The following PIK3C2G variants were observed in gnomAD, a reference collection of about 807,000 sequenced individuals.
PIK3C2G encodes phosphatidylinositol-4-phosphate 3-kinase catalytic subunit type 2 gamma.
In PIK3C2G, 168 loss-of-function variants were observed where a neutral mutation model predicts 181.1. The ratio of observed to expected loss-of-function variants is 0.93; its 90% confidence interval spans 0.82 to 1.05. PIK3C2G has a LOEUF of 1.05. Among genes scored for constraint, PIK3C2G ranks in the 50% least tolerant of loss-of-function variants. PIK3C2G has a pLI of 0.00. For missense variants in PIK3C2G, 1,869 were observed against 1,732.8 expected, an observed-to-expected ratio of 1.08 and a Z score of -1.40; for synonymous variants, 573 against 592.2, an observed-to-expected ratio of 0.97 and a Z score of 0.47.
chr12:18,486,739 C>T (rs1175749676), intron 18 of PIK3C2G, among the ~76,000 whole-genome samples: 3 of 151,858 alleles, frequency 2.0e-5, no homozygotes, highest in Non-Finnish European at 4.4e-5. Flanking sequence ...AGAAATACTC[C>T]ATCGATCCAC....
intron 1 of PIK3C2G, among the ~76,000 whole-genome samples, chr12:18,254,769 T>C (rs988233009): frequency 2.6e-5 from 4 of 151,960 alleles, no homozygotes; most frequent in African/African-American, 9.7e-5. Context: ...AGAGAATTGC[T>C]TGAACCCGGG....
chr12:18,703,220 C>T, the PIK3C2G span, among the ~76,000 whole-genome samples: 1 of 152,102 alleles, frequency 6.6e-6, no homozygotes, highest in Non-Finnish European at 1.5e-5. Flanking sequence ...AGTCTGTGGG[C>T]ATTCTTATGC....
chr12:18,708,741 A>G, the PIK3C2G span, among the ~76,000 whole-genome samples: 1 of 152,032 alleles, frequency 6.6e-6, no homozygotes, highest in Non-Finnish European at 1.5e-5. Flanking sequence ...AGTGGTTTTG[A>G]TTTGCATTTC....
At chr12:18,440,281 T>G (rs1357693606) in intron 18 of PIK3C2G, among the ~76,000 whole-genome samples, 2 of 152,058 alleles carry the variant, frequency 1.3e-5, no homozygotes, top group African/African-American at 4.8e-5. Flanking sequence ...AAATATTTAT[T>G]GAGCACCTTC....
At chr12:18,362,963 G>A in intron 12 of PIK3C2G, 77 bp downstream of exon 12, 3 of 1,180,196 alleles carry the variant, frequency 2.5e-6, no homozygotes, top group Non-Finnish European at 2.3e-6. Context: ...TAAAAGCAAG[G>A]GATGTAATTT....
chr12:18,704,106 A>G, the PIK3C2G span, among the ~76,000 whole-genome samples: 2 of 152,188 alleles, frequency 1.3e-5, no homozygotes, highest in South Asian at 2.1e-4. Context: ...GTTACAACAG[A>G]AAGTAATTCA....
At position 18,552,353 on chromosome 12, in the gene PIK3C2G, G is replaced by A. The variant is rs554529193; in HGVS notation, c.3590+5921G>A. Among the ~76,000 whole-genome samples, 125 of 152,194 alleles carry A rather than the reference G, an allele frequency of 8.2e-4. No homozygotes were observed. The Middle Eastern group carries it at 0.01, about 12-fold the overall frequency. On this transcript the variant is annotated intron_variant, in intron 26 of 32. Transcript: ENST00000538779. ...TTTTTCTCTTCAAAACTGAGAAATA[G>A]CATGAGATGGAAATGCAAATCCTTG...
rs74070277 is a variant in PIK3C2G, at chr12:18,480,569, G to A, written c.2505-7880G>A. On this transcript the variant is annotated intron_variant, in intron 18 of 32. Coordinates refer to ENST00000538779, the MANE Select transcript of PIK3C2G (RefSeq NM_001288772.2). ...GGGCTCAGACATTGGACCAAATTGA[G>A]GACTAGTTAAAACAAGAATGGGGCA... Among the ~76,000 whole-genome samples the A allele has an allele frequency of 6.0e-3, 908 of 152,130 alleles. 7 individuals carry two copies. The highest frequency in any genetic ancestry group is 0.021 in the African/African-American group (875 of 41,504).
chr12:18,261,744 T>A (rs987535092), intron 1 of PIK3C2G, among the ~76,000 whole-genome samples, 167 bp downstream of exon 1: 1 of 152,168 alleles, frequency 6.6e-6, no homozygotes, highest in Non-Finnish European at 1.5e-5. Flanking sequence ...AACAGAGATA[T>A]CCAGCTTGTA....
rs547663192 is a variant in PIK3C2G at position 18,460,598 on chromosome 12, TAAATAA to T, written c.2505-27847_2505-27842del. ...CAAAAAATAAATAAATAAATAAATA[TAAATAA>T]AAAGATTGACATCATATTCATATAT... is the stretch of plus-strand genomic sequence containing the variant. On this transcript the variant is annotated intron_variant, in intron 18 of 32. Coordinates refer to ENST00000538779, the MANE Select transcript of PIK3C2G (RefSeq NM_001288772.2). Among the ~76,000 whole-genome samples the T allele has an allele frequency of 3.1e-3, 448 of 144,610 alleles. 1 individual carries two copies. Among genetic ancestry groups the T allele is most frequent in the Non-Finnish European group, 5.2e-3 (345 of 66,858 alleles). 94.9% of individuals were successfully genotyped at this position (144,610 alleles called of 152,430 possible).
chr12:18,259,657 G>C (rs1274511144), upstream of PIK3C2G, among the ~76,000 whole-genome samples: 2 of 152,004 alleles, frequency 1.3e-5, no homozygotes, highest in African/African-American at 4.8e-5. Context: ...GTTCACCATG[G>C]AACTTAAAAT....
chr12:18,262,078 G>A (rs2136999773), intron 1 of PIK3C2G, among the ~76,000 whole-genome samples: 1 of 152,042 alleles, frequency 6.6e-6, no homozygotes, highest in East Asian at 1.9e-4. Context: ...ATCCAAACTA[G>A]AAGCAACTCC....
At chr12:18,593,986 T>A (rs1947221105) in intron 29 of PIK3C2G, among the ~76,000 whole-genome samples, 1 of 151,920 alleles carries the variant, frequency 6.6e-6, no homozygotes, top group Admixed American at 6.6e-5. Context: ...TTATAAATAA[T>A]TTTACTATGT....
chr12:18,324,130 G>A (rs1377910151), intron 7 of PIK3C2G, among the ~76,000 whole-genome samples: 4 of 151,666 alleles, frequency 2.6e-5, no homozygotes, highest in Non-Finnish European at 2.9e-5. Context: ...TGAGGCAGGA[G>A]AATGACGTGA....
chr12:18,285,615 T>A (rs913039150), intron 2 of PIK3C2G, among the ~76,000 whole-genome samples: 1 of 151,972 alleles, frequency 6.6e-6, no homozygotes, highest in Admixed American at 6.6e-5. Flanking sequence ...ACATATTAAA[T>A]GCAATGGTAC....
chr12:18,505,112 T>G (rs1266661635), intron 23 of PIK3C2G, among the ~76,000 whole-genome samples, 180 bp from the exon 24 acceptor site: 1 of 152,232 alleles, frequency 6.6e-6, no homozygotes, highest in African/African-American at 2.4e-5. Context: ...TTGTTTCATA[T>G]TCTTCTGTAG....
chr12:18,333,205 G>A (rs1345616020), intron 8 of PIK3C2G, among the ~76,000 whole-genome samples: 2 of 151,922 alleles, frequency 1.3e-5, no homozygotes, highest in South Asian at 2.1e-4. Flanking sequence ...ATCTCAGCGG[G>A]GTTCAGAAAA....
chr12:18,479,357 T>C (rs2136012618), intron 18 of PIK3C2G, among the ~76,000 whole-genome samples: 1 of 151,946 alleles, frequency 6.6e-6, no homozygotes, highest in South Asian at 2.1e-4. Flanking sequence ...CATCAGGAGG[T>C]GGCACAGCAT....
At position 18,362,845 on chromosome 12, in the gene PIK3C2G, A is replaced by G. The variant is rs1391318099; in HGVS notation, c.1707A>G (p.Pro569=). The G allele has an allele frequency of 2.0e-6, 3 of 1,518,970 alleles. No homozygotes were observed. Among genetic ancestry groups the G allele is most frequent in the Non-Finnish European group, 2.6e-6 (3 of 1,137,356 alleles). 94.1% of individuals were successfully genotyped at this position (1,518,970 alleles called of 1,614,324 possible). A position where few individuals can be genotyped will look rare whatever the true frequency, so the allele number is the denominator to read the frequency against. Residue 569 remains proline, a synonymous_variant, in exon 12 of 33, where the codon CCA becomes CCG. Coordinates refer to ENST00000538779, the MANE Select transcript of PIK3C2G (RefSeq NM_001288772.2). ...AAGTGAGAAACTACAGAAATATTCC[A>G]GACAAGAAATTATTTTTTTTCTTGG... The part of the protein sequence containing the change: ...LCQVRNYRNI[P]DKKLFFFLVN...
Sources: allele counts gnomAD v4.1 joint callset (sites outside exome capture counted in the v4.1 genomes callset), GRCh38; gene constraint gnomAD v4.1.1; transcripts MANE v1.5; gene names NCBI Gene and HGNC (gene_info 2026-07-23, HGNC 2026-07-21).